The following LRBA variants were observed in gnomAD, a reference collection of about 807,000 sequenced individuals.
LRBA encodes the protein lipopolysaccharide-responsive and beige-like anchor protein.
LRBA carries 176 observed loss-of-function variants against 330.0 expected under a neutral mutation model. The observed-to-expected ratio is 0.53, with a 90% confidence interval of 0.47 to 0.60. The LOEUF (loss-of-function observed/expected upper bound fraction) is 0.60. Ranked by LOEUF, LRBA falls within the 20% of genes least tolerant of loss-of-function variation. LRBA has a pLI of 0.00. For missense variants in LRBA, 3,259 were observed against 3,444.8 expected (o/e 0.95, Z 1.35); for synonymous variants, 1,230 against 1,193.0 (o/e 1.03, Z -0.64).
chr4:150,383,368 T>A (rs1251240565), intron 47 of LRBA, among the ~76,000 whole-genome samples: 1 of 152,086 alleles, frequency 6.6e-6, no homozygotes, highest in Non-Finnish European at 1.5e-5. Flanking sequence ...CACTTCAGCC[T>A]CCCAAGTAGC....
intron 34 of LRBA, among the ~76,000 whole-genome samples, chr4:150,781,159 GTGAGCCACC>G: frequency 6.6e-6 from 1 of 152,292 alleles, no homozygotes; most frequent in Middle Eastern, 3.4e-3. Flanking sequence ...GATTACAGGC[GTGAGCCACC>G]ACGCCCGGCC....
At chr4:150,565,723 A>C (rs1454048108) in intron 40 of LRBA, among the ~76,000 whole-genome samples, 1 of 152,104 alleles carries the variant, frequency 6.6e-6, no homozygotes, top group African/African-American at 2.4e-5. Flanking sequence ...CACTTAATAA[A>C]ATGTGGAAAA....
At chr4:150,564,210 C>G (rs1457953785) in intron 40 of LRBA, among the ~76,000 whole-genome samples, 1 of 152,086 alleles carries the variant, frequency 6.6e-6, no homozygotes, top group Admixed American at 6.6e-5. Flanking sequence ...TGGAACAGAA[C>G]AGAGGCCTCA....
intron 41 of LRBA, among the ~76,000 whole-genome samples, chr4:150,488,645 T>G (rs1247850777): frequency 1.3e-5 from 2 of 151,224 alleles, no homozygotes; most frequent in African/African-American, 4.8e-5. Flanking sequence ...AAGATATTCA[T>G]TTGGTCAGTC....
At chr4:150,698,901 T>C (rs553657110) in intron 36 of LRBA, among the ~76,000 whole-genome samples, 1 of 152,156 alleles carries the variant, frequency 6.6e-6, no homozygotes, top group Non-Finnish European at 1.5e-5. Flanking sequence ...AAACACATCA[T>C]GGAAGAACCT....
In LRBA at chr4:150,656,705, T is replaced by C. The variant is rs551742083; in HGVS notation, c.5921+26846A>G. On this transcript the variant is annotated intron_variant, in intron 37 of 56. Coordinates refer to ENST00000651943, the MANE Select transcript of LRBA (RefSeq NM_001364905.1). ...TACTAAATAAATGTTTATTGGGCAC[T>C]ATAATATTATACTAAAATGTAAGAC... 3.9e-5 allele frequency among the ~76,000 whole-genome samples: 6 copies of C among 152,342 alleles called. No homozygotes were observed. The South Asian group carries it at 1.0e-3, about 26-fold the overall frequency.
At chr4:150,287,422 C>G (rs1748271502) in intron 53 of LRBA, among the ~76,000 whole-genome samples, 1 of 152,156 alleles carries the variant, frequency 6.6e-6, no homozygotes, top group South Asian at 2.1e-4. Context: ...ACTGAATGGA[C>G]AGAGGTCCAT....
At chr4:150,662,034 T>A (rs539746504) in intron 37 of LRBA, among the ~76,000 whole-genome samples, 2 of 152,300 alleles carry the variant, frequency 1.3e-5, no homozygotes, top group Non-Finnish European at 2.9e-5. Context: ...TTTACATAAT[T>A]TCTGGGATGT....
At chr4:150,985,492 A>G (rs1741347493) in intron 2 of LRBA, among the ~76,000 whole-genome samples, 1 of 150,920 alleles carries the variant, frequency 6.6e-6, no homozygotes, top group African/African-American at 2.4e-5. Context: ...CTTTTTTTTA[A>G]TATATAGTTT....
intron 35 of LRBA, among the ~76,000 whole-genome samples, chr4:150,739,301 T>C (rs967181465): frequency 6.6e-6 from 1 of 152,098 alleles, no homozygotes; most frequent in Non-Finnish European, 1.5e-5. Flanking sequence ...TCGAGAACAT[T>C]ATACCCAGTA....
In LRBA at chr4:150,828,543, C is replaced by A. The variant is rs1432654912; in HGVS notation, c.4808G>T (p.Arg1603Met). 1.2e-6 allele frequency: 2 copies of A among 1,614,136 alleles called. No individual in the cohort carries two copies. The highest frequency in any genetic ancestry group is 3.3e-5 in the Admixed American group (2 of 60,004). ...TGTTTCTTCCCCAATGCCTGAGTCC[C>A]TCCTTCGAGCAGATGATGTGCTTTC... The part of the protein sequence containing the change: ...ESESTSSARR[R>M]DSGIGEETAT... Residue 1603 changes from arginine to methionine, a missense_variant, in exon 30 of 57, where the codon AGG becomes ATG. Coordinates refer to ENST00000651943, the MANE Select transcript of LRBA (RefSeq NM_001364905.1).
chr4:150,529,193 C>T (rs1055385022), intron 40 of LRBA, among the ~76,000 whole-genome samples: 2 of 152,118 alleles, frequency 1.3e-5, no homozygotes, highest in African/African-American at 2.4e-5. Context: ...CTGGTTTATT[C>T]GCATATGCAG....
At chr4:150,425,072 A>G (rs1749386535) in intron 46 of LRBA, among the ~76,000 whole-genome samples, 1 of 152,254 alleles carries the variant, frequency 6.6e-6, no homozygotes, top group African/African-American at 2.4e-5. Context: ...TTCCATTTTA[A>G]TACTAAAAGC....
intron 2 of LRBA, among the ~76,000 whole-genome samples, chr4:150,955,652 A>C (rs1283311701): frequency 4.0e-5 from 6 of 148,418 alleles, no homozygotes; most frequent in Non-Finnish European, 7.4e-5. Context: ...AGCACTTTGA[A>C]AGGCCAAGGC....
chr4:150,665,777 G>T (rs1409381129), intron 37 of LRBA, among the ~76,000 whole-genome samples: 2 of 152,164 alleles, frequency 1.3e-5, no homozygotes, highest in African/African-American at 4.8e-5. Flanking sequence ...ATATACCACA[G>T]ATATTTTCAT....
intron 4 of LRBA, among the ~76,000 whole-genome samples, chr4:150,924,067 A>C (rs1480256177): frequency 6.6e-6 from 1 of 151,850 alleles, no homozygotes; most frequent in African/African-American, 2.4e-5. Context: ...AAAAATAAAA[A>C]TACAGTATTA....
chr4:150,488,454 A>G lies in LRBA; in HGVS notation c.6449-620T>C, dbSNP rs1043332189. On this transcript the variant is annotated intron_variant, in intron 41 of 56. Coordinates refer to ENST00000651943, the MANE Select transcript of LRBA (RefSeq NM_001364905.1). ...GGAACATTTTTCCTCTGCAGTTAAA[A>G]ATCAAATTTAAATGCTTTCTCATCC... Among the ~76,000 whole-genome samples the G allele has an allele frequency of 4.0e-5, 6 of 151,756 alleles. No homozygotes were observed. The East Asian group carries it at 9.6e-4, about 24-fold the overall frequency.
At chr4:150,316,115 T>C (rs923348243) in intron 50 of LRBA, among the ~76,000 whole-genome samples, 18 of 152,122 alleles carry the variant, frequency 1.2e-4, no homozygotes, top group African/African-American at 3.9e-4. Context: ...AATCAATCAA[T>C]TGAAAGTTTG....
At chr4:150,482,182 G>C (rs1357887736) in intron 42 of LRBA, among the ~76,000 whole-genome samples, 1 of 151,962 alleles carries the variant, frequency 6.6e-6, no homozygotes, top group Admixed American at 6.6e-5. Flanking sequence ...ATTCTCCCTT[G>C]TATGCAATTC....
Sources: allele counts gnomAD v4.1 joint callset (sites outside exome capture counted in the v4.1 genomes callset), GRCh38; gene constraint gnomAD v4.1.1; transcripts MANE v1.5; gene names NCBI Gene and HGNC (gene_info 2026-07-23, HGNC 2026-07-21).